The following HPSE2 variants were observed in gnomAD, a reference collection of about 807,000 sequenced individuals.
HPSE2 encodes the protein inactive heparanase-2.
A neutral mutation model predicts 60.5 loss-of-function variants in HPSE2; 38 were observed. The ratio of observed to expected loss-of-function variants is 0.63; its 90% CI spans 0.48 to 0.82. The LOEUF (loss-of-function observed/expected upper bound fraction) is 0.82, where lower values mean the gene tolerates loss of function less well. Ranked by LOEUF, HPSE2 falls within the 40% of genes least tolerant of loss-of-function variation. The pLI, the probability that HPSE2 is intolerant of heterozygous loss-of-function variation, is 0.00. For synonymous variants in HPSE2, 295 were observed against 293.2 expected, an observed-to-expected ratio of 1.01 and a Z score of -0.06; for missense variants, 713 against 740.4, an observed-to-expected ratio of 0.96 and a Z score of 0.43.
At position 98,721,788 on chromosome 10, in the gene HPSE2, A is replaced by T; in HGVS notation, c.825T>A (p.Asn275Lys). The T allele has an allele frequency of 6.2e-7, 1 of 1,613,728 alleles. No homozygotes were observed. Among genetic ancestry groups the T allele is most frequent in the Non-Finnish European group, 8.5e-7 (1 of 1,179,836 alleles). Residue 275 changes from asparagine to lysine, a missense_variant, in exon 5 of 12, where the codon AAT becomes AAA. By Grantham distance (94) the Asn-to-Lys change is moderately conservative. Transcript: ENST00000370552. Reference protein sequence around the residue: ...NYRTMHGRAVNGSQLGKDYIQ... With the variant: ...NYRTMHGRAVKGSQLGKDYIQ... ...TGTAATCCTTTCCCAACTGGCTGCC[A>T]TTTACTGCCCGGCCATGCATGGTCC... is the stretch of plus-strand genomic sequence containing the variant.
intron 3 of HPSE2, among the ~76,000 whole-genome samples, chr10:99,072,927 CAAAAAAAAAAA>C (rs770699941): frequency 1.1e-5 from 1 of 88,058 alleles, no homozygotes; most frequent in Non-Finnish European, 2.0e-5. Flanking sequence ...GGCTCCGTCT[CAAAAAAAAAAA>C]AAAAAAAAAA....
chr10:98,978,480 A>G (rs1039450634), intron 3 of HPSE2, among the ~76,000 whole-genome samples: 5 of 152,184 alleles, frequency 3.3e-5, no homozygotes, highest in African/African-American at 9.6e-5. Context: ...GAAAACAACA[A>G]TAACAACAAA....
At chr10:99,109,677 A>C (rs1383093432) in intron 3 of HPSE2, among the ~76,000 whole-genome samples, 1 of 152,162 alleles carries the variant, frequency 6.6e-6, no homozygotes, top group African/African-American at 2.4e-5. Context: ...CTACAAAATC[A>C]ATGTGGGCCC....
intron 2 of HPSE2, among the ~76,000 whole-genome samples, chr10:99,188,963 T>TAA (rs772589762): frequency 2.0e-5 from 3 of 152,164 alleles, no homozygotes; most frequent in African/African-American, 4.8e-5. Flanking sequence ...TTTCCTCTTT[T>TAA]AACACAAGAG....
chr10:98,919,440 A>G (rs1954218809), intron 3 of HPSE2, among the ~76,000 whole-genome samples: 1 of 152,180 alleles, frequency 6.6e-6, no homozygotes, highest in African/African-American at 2.4e-5. Flanking sequence ...TTGGGTTGGA[A>G]ATTATACAGA....
At chr10:99,088,685 C>T (rs531421266) in intron 3 of HPSE2, among the ~76,000 whole-genome samples, 31 of 152,254 alleles carry the variant, frequency 2.0e-4, no homozygotes, top group African/African-American at 7.2e-4. Flanking sequence ...GTATCTTTTT[C>T]GTATAATGAC....
the HPSE2 span, among the ~76,000 whole-genome samples, chr10:99,243,650 T>C: frequency 6.6e-6 from 1 of 152,296 alleles, no homozygotes; most frequent in African/African-American, 2.4e-5. Flanking sequence ...TATATTTATC[T>C]CAATACATTT....
At chr10:99,179,104 T>C (rs371800697) in intron 2 of HPSE2, among the ~76,000 whole-genome samples, 13 of 152,314 alleles carry the variant, frequency 8.5e-5, no homozygotes, top group African/African-American at 2.9e-4. Flanking sequence ...AAACTGGGTA[T>C]TGATCGAATG....
At chr10:98,942,608 T>C (rs1490085683) in intron 3 of HPSE2, among the ~76,000 whole-genome samples, 3 of 152,196 alleles carry the variant, frequency 2.0e-5, no homozygotes, top group Non-Finnish European at 2.9e-5. Context: ...TGCAGAGAAA[T>C]AGGAACACTT....
In HPSE2 at chr10:98,607,019, T is replaced by C. The variant is rs188651264; in HGVS notation, c.1320+7885A>G. Among the ~76,000 whole-genome samples the C allele has an allele frequency of 2.4e-3, 371 of 152,090 alleles. 5 individuals are homozygous for C. Among genetic ancestry groups the C allele is most frequent in the African/African-American group, 8.4e-3 (347 of 41,510 alleles). ...CTTCCAACCTAGCAAAGGACATTTCTTTTTTTCCTCTTCCTGCTTTCCTTT... is the reference window on the plus strand; with the variant it reads ...CTTCCAACCTAGCAAAGGACATTTCCTTTTTTCCTCTTCCTGCTTTCCTTT... On this transcript the variant is annotated intron_variant, in intron 9 of 11. Transcript: ENST00000370552.
At chr10:99,152,085 G>A (rs1846290207) in intron 2 of HPSE2, among the ~76,000 whole-genome samples, 1 of 152,040 alleles carries the variant, frequency 6.6e-6, no homozygotes, top group African/African-American at 2.4e-5. Flanking sequence ...GCCGAGGCGG[G>A]CAGATCACGA....
intron 6 of HPSE2, among the ~76,000 whole-genome samples, chr10:98,685,877 A>G (rs77708409): frequency 0.03 from 4,597 of 152,306 alleles, 149 homozygotes; most frequent in East Asian, 0.12. Flanking sequence ...TTTAAATCTT[A>G]TATCACTTTT....
At chr10:98,517,166 C>A (rs558359287) in intron 9 of HPSE2, among the ~76,000 whole-genome samples, 24 of 136,060 alleles carry the variant, frequency 1.8e-4, no homozygotes, top group African/African-American at 5.9e-4. Context: ...CTATCGATAG[C>A]TTGGGCCTGG....
intron 3 of HPSE2, among the ~76,000 whole-genome samples, chr10:99,074,335 C>A (rs536866177): frequency 6.6e-6 from 1 of 152,018 alleles, no homozygotes; most frequent in South Asian, 2.1e-4. Context: ...ATTCTTCATT[C>A]TGTTTATGGG....
At chr10:98,975,914 G>GA (rs1291308273) in intron 3 of HPSE2, among the ~76,000 whole-genome samples, 2 of 152,088 alleles carry the variant, frequency 1.3e-5, no homozygotes, top group South Asian at 4.1e-4. Flanking sequence ...TCATTTTAGA[G>GA]AAAAAGGCTA....
intron 3 of HPSE2, among the ~76,000 whole-genome samples, chr10:98,985,929 C>T (rs1170596045): frequency 6.6e-6 from 1 of 152,174 alleles, no homozygotes; most frequent in Non-Finnish European, 1.5e-5. Flanking sequence ...ATCAATTCAA[C>T]AAGAAGAGCT....
At chr10:99,266,457 A>T in the HPSE2 span, among the ~76,000 whole-genome samples, 1 of 152,040 alleles carries the variant, frequency 6.6e-6, no homozygotes, top group Non-Finnish European at 1.5e-5. Context: ...TGGCCTGAGA[A>T]CAACACACCC....
At chr10:98,491,092 C>A (rs1301221280) in intron 9 of HPSE2, among the ~76,000 whole-genome samples, 2 of 152,214 alleles carry the variant, frequency 1.3e-5, no homozygotes, top group African/African-American at 2.4e-5. Flanking sequence ...CCCCCTACCC[C>A]ACTCAAATTC....
chr10:98,612,339 G>A (rs764306998), intron 9 of HPSE2, among the ~76,000 whole-genome samples: 1 of 152,176 alleles, frequency 6.6e-6, no homozygotes, highest in African/African-American at 2.4e-5. Flanking sequence ...TCTGACCTTG[G>A]ATAAGTCACT....
Sources: gnomAD v4.1 joint callset for allele counts (sites outside exome capture counted in the v4.1 genomes callset) on GRCh38, gnomAD v4.1.1 for gene constraint, MANE v1.5 for transcripts, NCBI Gene and HGNC (gene_info 2026-07-23, HGNC 2026-07-21) for gene names.